The following RGS7 variants were observed in gnomAD, a reference collection of about 807,000 sequenced individuals.
RGS7 encodes regulator of G protein signaling 7.
Under a neutral mutation model 81.1 loss-of-function variants are expected in RGS7, and 27 were observed. The observed-to-expected ratio is 0.33, with a 90% CI of 0.25 to 0.46. RGS7 has a LOEUF of 0.46. RGS7 is among the 20% of genes least tolerant of loss of function. The probability of loss-of-function intolerance (pLI) is 1.00; values close to 1 mark genes in which losing one functional copy is unlikely to be tolerated. For synonymous variants in RGS7, 208 were observed against 207.7 expected (o/e 1.00, Z -0.01); for missense variants, 396 against 607.4 (o/e 0.65, Z 3.66).
chr1:241,217,602 A>G (rs1396155800), intron 2 of RGS7, among the ~76,000 whole-genome samples: 1 of 152,204 alleles, frequency 6.6e-6, no homozygotes, highest in Non-Finnish European at 1.5e-5. Context: ...GTGCCAACAA[A>G]AGCCTTCTAA....
rs1173084216 is a variant in RGS7 at position 241,327,033 on chromosome 1, A to G, written c.78+28666T>C. Among the ~76,000 whole-genome samples, 10 of 18,776 alleles carry G rather than the reference A, an allele frequency of 5.3e-4. 2 individuals are homozygous for G. Among genetic ancestry groups the G allele is most frequent in the Admixed American group, 8.2e-4 (2 of 2,444 alleles). 12.3% of individuals were successfully genotyped at this position (18,776 alleles called of 152,430 possible). A position where few individuals can be genotyped will look rare whatever the true frequency, so the allele number is the denominator to read the frequency against. On this transcript the variant is annotated intron_variant, in intron 2 of 18. Transcript: ENST00000440928. ...AAGGAAGGAAGGAAGGAAGGAAGGA[A>G]GGAAGGGAGGGAGGGGAAAGGAAGG... is the stretch of plus-strand genomic sequence containing the variant.
At chr1:241,024,694 A>G (rs1366656499) in intron 3 of RGS7, among the ~76,000 whole-genome samples, 1 of 152,234 alleles carries the variant, frequency 6.6e-6, no homozygotes, top group Non-Finnish European at 1.5e-5. Flanking sequence ...ACTAACAAAC[A>G]TAGGGAGAAC....
intron 6 of RGS7, among the ~76,000 whole-genome samples, chr1:240,874,350 C>T (rs972092397): frequency 6.6e-6 from 1 of 152,082 alleles, no homozygotes; most frequent in Admixed American, 6.5e-5. Flanking sequence ...TCCCCAACTC[C>T]CTTTTGTGAC....
At chr1:240,870,183 C>A (rs1664233526) in intron 6 of RGS7, 64 bp from the exon 7 acceptor site, 1 of 1,397,110 alleles carries the variant, frequency 7.2e-7, no homozygotes, top group Admixed American at 1.7e-5. Context: ...AGTAAAAGTA[C>A]AACATTACAA....
chr1:240,858,091 C>T (rs1316273599), intron 9 of RGS7, among the ~76,000 whole-genome samples: 1 of 152,158 alleles, frequency 6.6e-6, no homozygotes, highest in East Asian at 1.9e-4. Context: ...TTATTAGCAG[C>T]ATGAGAATGA....
chr1:240,977,111 CACACACACA>C (rs1158619109), intron 4 of RGS7, among the ~76,000 whole-genome samples: 10 of 150,662 alleles, frequency 6.6e-5, no homozygotes, highest in Non-Finnish European at 1.5e-4. Context: ...CACACACACA[CACACACACA>C]CACACACACA....
intron 3 of RGS7, among the ~76,000 whole-genome samples, chr1:241,009,073 C>T (rs375002202): frequency 1.2e-4 from 18 of 152,180 alleles, no homozygotes; most frequent in African/African-American, 3.9e-4. Flanking sequence ...TTAAAGGGCA[C>T]CAGAGAAGAC....
At position 241,118,722 on chromosome 1, in the gene RGS7, T is replaced by A. The variant is rs114970792; in HGVS notation, c.79-19960A>T. Among the ~76,000 whole-genome samples the A allele has an allele frequency of 3.1e-3, 473 of 152,206 alleles. 6 individuals carry two copies. The highest frequency in any genetic ancestry group is 0.011 in the African/African-American group (439 of 41,550). On this transcript the variant is annotated intron_variant, in intron 2 of 18. Coordinates refer to ENST00000440928, the MANE Select transcript of RGS7 (RefSeq NM_001364886.1). ...AATACTACACAGTCTTAAAAAAGAA[T>A]GAAATTATGTCCTTCCCAGCAACAT...
Position 240,935,071 on chromosome 1 carries a change from T to TG in RGS7, c.333+1528_333+1529insC, listed in dbSNP as rs909754477. Among the ~76,000 whole-genome samples the TG allele has an allele frequency of 3.3e-5, 5 of 151,030 alleles. No individual in the cohort carries two copies. The East Asian group carries it at 5.9e-4, about 18-fold the overall frequency. ...ACCCAGCTAATTTTTTTTGTTTGTT[T>TG]TTTTTTTAGTAGAGATGAGGTTTCA... is the stretch of plus-strand genomic sequence containing the variant. On this transcript the variant is annotated intron_variant, in intron 5 of 18. Transcript: ENST00000440928.
At chr1:241,351,239 T>C (rs1573802386) in intron 2 of RGS7, among the ~76,000 whole-genome samples, 1 of 151,924 alleles carries the variant, frequency 6.6e-6, no homozygotes, top group East Asian at 1.9e-4. Flanking sequence ...GGCAACATAG[T>C]GAGACCCCAT....
At chr1:241,041,566 T>C (rs1049825918) in intron 3 of RGS7, among the ~76,000 whole-genome samples, 10 of 152,142 alleles carry the variant, frequency 6.6e-5, no homozygotes, top group African/African-American at 2.4e-4. Context: ...AAATTCTCCC[T>C]GTCTAGTGGC....
chr1:240,963,709 T>C (rs1401083101), intron 4 of RGS7, among the ~76,000 whole-genome samples: 1 of 152,096 alleles, frequency 6.6e-6, no homozygotes, highest in Non-Finnish European at 1.5e-5. Flanking sequence ...AGACAGTAAA[T>C]GCAGCTGAGT....
chr1:241,157,951 T>G (rs373975588), intron 2 of RGS7, among the ~76,000 whole-genome samples: 3 of 151,396 alleles, frequency 2.0e-5, no homozygotes, highest in Non-Finnish European at 4.4e-5. Context: ...CGAGTAGGTG[T>G]GACTACAGGC....
At chr1:241,259,489 A>G (rs2077203626) in intron 2 of RGS7, among the ~76,000 whole-genome samples, 1 of 151,044 alleles carries the variant, frequency 6.6e-6, no homozygotes, top group Non-Finnish European at 1.5e-5. Context: ...ACCCTCTACT[A>G]AAAATACAAA....
chr1:241,091,606 C>T (rs1315738389), intron 3 of RGS7, among the ~76,000 whole-genome samples: 1 of 150,772 alleles, frequency 6.6e-6, no homozygotes, highest in Non-Finnish European at 1.5e-5. Context: ...AAAAAGCTGG[C>T]CGGATGCAAT....
chr1:241,189,320 C>A (rs2072401798), intron 2 of RGS7, among the ~76,000 whole-genome samples: 1 of 152,108 alleles, frequency 6.6e-6, no homozygotes, highest in Admixed American at 6.5e-5. Context: ...ATCTGTATAA[C>A]TTTGGTAAAA....
chr1:240,841,006 C>T lies in RGS7; in HGVS notation c.610-13834G>A, dbSNP rs529859834. ...GGTACCTATAACTTAACCTCTTGGC[C>T]GACTGATCATCACCTCTCATTATTA... On this transcript the variant is annotated intron_variant, in intron 9 of 18. Coordinates refer to ENST00000440928, the MANE Select transcript of RGS7 (RefSeq NM_001364886.1). Among the ~76,000 whole-genome samples the T allele has an allele frequency of 3.3e-5, 5 of 152,186 alleles. No individual in the cohort carries two copies. The South Asian group carries it at 8.3e-4, about 25-fold the overall frequency.
chr1:240,868,273 T>C lies in RGS7; in HGVS notation c.609+314A>G, dbSNP rs557263158. On this transcript the variant is annotated intron_variant, in intron 9 of 18. Coordinates refer to ENST00000440928, the MANE Select transcript of RGS7 (RefSeq NM_001364886.1). This position sits in a 1 kb window ranked among gnomAD's most constrained non-coding sequence, Gnocchi z 5.1. ...TATGAAGCCAGAAAAATGTAAACAA[T>C]AAAACATGAAAAACTGTTTTGTTGC... Among the ~76,000 whole-genome samples, 29 of 152,178 alleles carry C rather than the reference T, an allele frequency of 1.9e-4. 1 individual carries two copies. The highest frequency in any genetic ancestry group is 5.3e-4 in the African/African-American group (22 of 41,542).
At chr1:241,318,778 T>A (rs1284360142) in intron 2 of RGS7, among the ~76,000 whole-genome samples, 1 of 152,134 alleles carries the variant, frequency 6.6e-6, no homozygotes, top group Non-Finnish European at 1.5e-5. Flanking sequence ...GCCCAGACTA[T>A]CCTGAGAATT....
Sources: gnomAD v4.1 joint callset for allele counts (sites outside exome capture counted in the v4.1 genomes callset) on GRCh38, gnomAD v4.1.1 for gene constraint, Gnocchi (gnomAD v3.1) non-coding constraint, MANE v1.5 for transcripts, NCBI Gene and HGNC (gene_info 2026-07-23, HGNC 2026-07-21) for gene names.